CR1L: variants seen among roughly 807,000 people sequenced by gnomAD.
The protein encoded by CR1L is complement C3b/C4b receptor 1 like.
In CR1L, 59 loss-of-function variants were observed where a neutral mutation model predicts 62.3. The ratio of observed to expected loss-of-function variants is 0.95; its 90% CI spans 0.77 to 1.18. The LOEUF (loss-of-function observed/expected upper bound fraction) is 1.18, where lower values mean the gene tolerates loss of function less well. CR1L is among the 50% of genes most tolerant of loss of function. CR1L has a pLI of 0.00. For missense variants in CR1L, 700 were observed against 702.8 expected, an observed-to-expected ratio of 1.00 and a Z score of 0.04; for synonymous variants, 279 against 248.7, an observed-to-expected ratio of 1.12 and a Z score of -1.15.
chr1:207,708,291 C>T (rs1664302400), intron 10 of CR1L, 28 bp downstream of exon 10: 1 of 1,607,396 alleles, frequency 6.2e-7, no homozygotes, highest in Admixed American at 1.7e-5. Flanking sequence ...TCCCCATTCA[C>T]CCCACCATTT....
At chr1:207,655,029 T>A (rs1450668892) in intron 1 of CR1L, among the ~76,000 whole-genome samples, 1 of 152,224 alleles carries the variant, frequency 6.6e-6, no homozygotes, top group Non-Finnish European at 1.5e-5. Context: ...TTGATTAAAT[T>A]GCAGATTTAT....
At chr1:207,661,597 C>T (rs1240133458) in intron 1 of CR1L, among the ~76,000 whole-genome samples, 1 of 152,116 alleles carries the variant, frequency 6.6e-6, no homozygotes, top group Admixed American at 6.5e-5. Flanking sequence ...GACTCTTTAT[C>T]CTATTTGCCA....
intron 4 of CR1L, among the ~76,000 whole-genome samples, chr1:207,684,805 G>A (rs1364668168): frequency 6.6e-6 from 1 of 152,136 alleles, no homozygotes; most frequent in Admixed American, 6.5e-5. Context: ...TGAGGGCCAG[G>A]CTGAGGCTGA....
intron 4 of CR1L, among the ~76,000 whole-genome samples, chr1:207,686,901 C>T (rs115019854): frequency 0.022 from 3,397 of 152,194 alleles, 125 homozygotes; most frequent in African/African-American, 0.076. Flanking sequence ...GCTCCTTTGC[C>T]CCTCCTGCCA....
intron 3 of CR1L, among the ~76,000 whole-genome samples, chr1:207,681,332 C>A (rs1401525308): frequency 6.6e-6 from 1 of 152,142 alleles, no homozygotes; most frequent in Non-Finnish European, 1.5e-5. Flanking sequence ...ATCCACAACT[C>A]TCTCTTCCCC....
chr1:207,721,146 AC>A (rs1388274866), intron 11 of CR1L, among the ~76,000 whole-genome samples: 2 of 152,330 alleles, frequency 1.3e-5, no homozygotes, highest in Admixed American at 6.5e-5. Flanking sequence ...ATATACAGAA[AC>A]TGTTTAACCT....
intron 4 of CR1L, among the ~76,000 whole-genome samples, chr1:207,688,987 CCTTT>C (rs1437081098): frequency 1.1e-4 from 16 of 152,042 alleles, no homozygotes; most frequent in Admixed American, 9.2e-4. Flanking sequence ...TAAATCTTTT[CCTTT>C]CTTATGTCTT....
rs1000762659 is a variant in CR1L at position 207,710,810 on chromosome 1, G to A, written c.1414+2547G>A. The A allele has an allele frequency of 9.1e-6, 14 of 1,535,292 alleles. No homozygotes were observed. In the African/African-American group the frequency reaches 1.2e-4, roughly 14 times the overall value. On this transcript the variant is annotated intron_variant, in intron 10 of 11. Coordinates refer to ENST00000508064, the MANE Select transcript of CR1L (RefSeq NM_175710.2). ...GTGTGTTTGCCTGAGGCCTAGAAGG[G>A]CCCTGCAAGTGACATGCATTGCTGT...
At chr1:207,711,898 C>CAA (rs112058934) in intron 10 of CR1L, among the ~76,000 whole-genome samples, 173 of 115,902 alleles carry the variant, frequency 1.5e-3, no homozygotes, top group African/African-American at 2.8e-3. Context: ...GATATCACCT[C>CAA]AAAAAAAAAA....
chr1:207,677,231 G>A (rs1236095015), intron 1 of CR1L, among the ~76,000 whole-genome samples, 158 bp from the exon 2 acceptor site: 1 of 145,116 alleles, frequency 6.9e-6, no homozygotes, highest in Non-Finnish European at 1.5e-5. Flanking sequence ...CTGAGGCAGG[G>A]AGAATTGCTT....
At chr1:207,690,281 T>A (rs1268946266) in intron 4 of CR1L, among the ~76,000 whole-genome samples, 1 of 152,200 alleles carries the variant, frequency 6.6e-6, no homozygotes, top group Non-Finnish European at 1.5e-5. Context: ...TTTATATTTT[T>A]ATTATCATTG....
At chr1:207,714,898 A>G (rs1653955745) in intron 10 of CR1L, among the ~76,000 whole-genome samples, 1 of 152,168 alleles carries the variant, frequency 6.6e-6, no homozygotes, top group Non-Finnish European at 1.5e-5. Flanking sequence ...CCAAATCAAA[A>G]GCTGTTCTGC....
intron 1 of CR1L, among the ~76,000 whole-genome samples, chr1:207,649,520 T>C (rs1016275576): frequency 1.3e-5 from 2 of 152,092 alleles, no homozygotes; most frequent in Non-Finnish European, 2.9e-5. Flanking sequence ...CGAGACACAG[T>C]AGTAGGCAAT....
chr1:207,697,946 G>T (rs779545212), intron 7 of CR1L, 73 bp downstream of exon 7: 1 of 1,602,418 alleles, frequency 6.2e-7, no homozygotes, highest in Non-Finnish European at 8.5e-7. Flanking sequence ...GGGGAGATTT[G>T]ATGTGGCTTA....
chr1:207,701,711 A>T (rs780155608), intron 9 of CR1L, 93 bp downstream of exon 9: 14 of 1,529,294 alleles, frequency 9.2e-6, no homozygotes, highest in Non-Finnish European at 1.3e-5. Flanking sequence ...GGCTGTTGCC[A>T]CCTGCTCTTG....
At chr1:207,649,405 C>T (rs557820346) in intron 1 of CR1L, among the ~76,000 whole-genome samples, 12 of 152,288 alleles carry the variant, frequency 7.9e-5, no homozygotes, top group South Asian at 4.1e-4. Context: ...CAATCACCAT[C>T]GTAAACTCAG....
intron 1 of CR1L, among the ~76,000 whole-genome samples, chr1:207,645,577 G>A (rs1217404640): frequency 6.6e-6 from 1 of 152,202 alleles, no homozygotes; most frequent in Non-Finnish European, 1.5e-5. Flanking sequence ...ATCTGGCTGC[G>A]TTCCCAAAAG....
chr1:207,671,962 C>T (rs1295545110), intron 1 of CR1L, among the ~76,000 whole-genome samples: 1 of 150,408 alleles, frequency 6.6e-6, no homozygotes, highest in Non-Finnish European at 1.5e-5. Flanking sequence ...GAAAAGAATG[C>T]AAGACAAAAA....
At chr1:207,712,967 A>G (rs111364329) in intron 10 of CR1L, among the ~76,000 whole-genome samples, 3,450 of 152,184 alleles carry the variant, frequency 0.023, 134 homozygotes, top group African/African-American at 0.077. Flanking sequence ...ACCCAGAGAG[A>G]TTAATTTATG....
Sources: gnomAD v4.1 joint callset for allele counts (sites outside exome capture counted in the v4.1 genomes callset) on GRCh38, gnomAD v4.1.1 for gene constraint, MANE v1.5 for transcripts, NCBI Gene and HGNC (gene_info 2026-07-23, HGNC 2026-07-21) for gene names.